The following ANO1 variants were observed in gnomAD, a reference collection of about 807,000 sequenced individuals.
ANO1 encodes anoctamin 1, also known as anoctamin-1.
ANO1 carries 59 observed loss-of-function variants against 124.0 expected under a neutral mutation model. The ratio of observed to expected loss-of-function variants is 0.48; its 90% CI spans 0.39 to 0.59. ANO1 has a LOEUF of 0.59. Ranked by LOEUF, ANO1 falls within the 20% of genes least tolerant of loss-of-function variation. The pLI, the probability that ANO1 is intolerant of heterozygous loss-of-function variation, is 0.00. For missense variants in ANO1, 1,059 were observed against 1,328.0 expected (o/e 0.80, Z 3.15); for synonymous variants, 529 against 532.0 (o/e 0.99, Z 0.08).
At chr11:70,072,114 G>A (rs1465080747) in intron 1 of ANO1, among the ~76,000 whole-genome samples, 4 of 152,158 alleles carry the variant, frequency 2.6e-5, no homozygotes, top group Admixed American at 6.5e-5. Flanking sequence ...TCAGGAGGAC[G>A]AGGTCTTCGG....
chr11:70,052,709 C>A lies in ANO1; in HGVS notation c.59-25833C>A, dbSNP rs553699099. On this transcript the variant is annotated intron_variant, in intron 1 of 27. Transcript: ENST00000531349. The stretch of plus-strand genomic sequence containing the variant: ...CTGGGATTATAGGCAGCTGCCACCA[C>A]ACCCAGCCAATTTTTTTGTATTTTT... 5.3e-5 allele frequency among the ~76,000 whole-genome samples: 8 copies of A among 151,824 alleles called. No homozygotes were observed. The East Asian group carries it at 1.5e-3, about 29-fold the overall frequency.
At chr11:70,162,309 AC>A (rs1475737467) in intron 18 of ANO1, among the ~76,000 whole-genome samples, 1 of 151,530 alleles carries the variant, frequency 6.6e-6, no homozygotes, top group Admixed American at 6.6e-5. Flanking sequence ...GGCAGTGAGG[AC>A]CCTGGGCAGA....
intron 1 of ANO1, among the ~76,000 whole-genome samples, chr11:70,084,435 C>T (rs1421178935): frequency 1.3e-5 from 2 of 152,168 alleles, no homozygotes; most frequent in Non-Finnish European, 2.9e-5. Flanking sequence ...TTAGATGGAG[C>T]GTCCATCCTG....
At chr11:70,064,996 G>A (rs1440051468) in intron 1 of ANO1, 1 of 152,356 alleles carries the variant, frequency 6.6e-6, no homozygotes, top group African/African-American at 2.4e-5. Flanking sequence ...GCCGTTCATA[G>A]TCTGGGACAA....
At chr11:70,128,141 A>G (rs1221441592) in intron 10 of ANO1, among the ~76,000 whole-genome samples, 1 of 152,230 alleles carries the variant, frequency 6.6e-6, no homozygotes, top group Non-Finnish European at 1.5e-5. Flanking sequence ...TGATACATGA[A>G]TAACACCTAA....
intron 2 of ANO1, among the ~76,000 whole-genome samples, chr11:70,088,965 C>G (rs574232387): frequency 9.9e-5 from 15 of 152,234 alleles, no homozygotes; most frequent in Non-Finnish European, 1.8e-4. Context: ...GTCGACCCCC[C>G]TCGAGTGCCT....
upstream of ANO1, among the ~76,000 whole-genome samples, chr11:70,073,927 C>T (rs568670652): frequency 4.7e-5 from 7 of 149,972 alleles, no homozygotes; most frequent in East Asian, 2.0e-4. Context: ...CATGGAGTCC[C>T]GCCGTCAAGC....
At chr11:70,029,425 G>A (rs1463470804) in intron 1 of ANO1, among the ~76,000 whole-genome samples, 1 of 152,226 alleles carries the variant, frequency 6.6e-6, no homozygotes, top group African/African-American at 2.4e-5. Context: ...TGTAGGGGGT[G>A]TTTCCTGGGG....
At chr11:69,978,201 C>A in the ANO1 span, among the ~76,000 whole-genome samples, 1 of 152,166 alleles carries the variant, frequency 6.6e-6, no homozygotes, top group African/African-American at 2.4e-5. Flanking sequence ...CATTTGGAGC[C>A]ACTCCGTGGG....
intron 2 of ANO1, among the ~76,000 whole-genome samples, chr11:70,095,371 AAAG>A (rs1491172963): frequency 3.1e-5 from 1 of 32,604 alleles, no homozygotes; most frequent in African/African-American, 8.7e-5. Flanking sequence ...AGAAAGAAAG[AAAG>A]AAAGAAAGAA....
chr11:70,186,105 G>A (rs1044931468), intron 25 of ANO1, among the ~76,000 whole-genome samples: 18 of 152,226 alleles, frequency 1.2e-4, no homozygotes, highest in Admixed American at 9.2e-4. Flanking sequence ...GGCCAACATG[G>A]TGAAACCCTG....
chr11:70,145,984 G>A (rs1172853344), intron 11 of ANO1, among the ~76,000 whole-genome samples: 1 of 150,384 alleles, frequency 6.6e-6, no homozygotes, highest in Non-Finnish European at 1.5e-5. Flanking sequence ...GAATACCAAG[G>A]TTCAATACCA....
At chr11:70,153,374 C>T (rs892779819) in intron 14 of ANO1, among the ~76,000 whole-genome samples, 1 of 152,210 alleles carries the variant, frequency 6.6e-6, no homozygotes, top group East Asian at 1.9e-4. Flanking sequence ...CCAGATTTGG[C>T]CAAAGGGCTA....
At chr11:70,155,856 C>T (rs767745200) in intron 14 of ANO1, 55 bp from the exon 15 acceptor site, 32 of 1,477,764 alleles carry the variant, frequency 2.2e-5, no homozygotes, top group African/African-American at 2.9e-5. Context: ...CCGCGGTCTG[C>T]GGTGCCGCCT....
At position 70,126,053 on chromosome 11, in the gene ANO1, T is replaced by A. The variant is rs1268020121; in HGVS notation, c.963-8T>A. The A allele has an allele frequency of 6.2e-7, 1 of 1,604,970 alleles. No individual in the cohort carries two copies. Among genetic ancestry groups the A allele is most frequent in the Non-Finnish European group, 8.5e-7 (1 of 1,175,130 alleles). On this transcript the variant is annotated splice_polypyrimidine_tract_variant and splice_region_variant and intron_variant, in intron 9 of 25. Coordinates refer to ENST00000355303, the MANE Select transcript of ANO1 (RefSeq NM_018043.7). ...TGGGCTTGACTCTGCTCTGCTCCCCTGGTGTAGGAAGTATTTTGGGGAGAA... is the reference window on the plus strand; with the variant it reads ...TGGGCTTGACTCTGCTCTGCTCCCCAGGTGTAGGAAGTATTTTGGGGAGAA...
intron 22 of ANO1, among the ~76,000 whole-genome samples, chr11:70,179,243 G>A (rs535847207): frequency 2.5e-4 from 38 of 152,222 alleles, no homozygotes; most frequent in Non-Finnish European, 4.1e-4. Flanking sequence ...CAGCCGAACC[G>A]CTGCACACAA....
intron 24 of ANO1, among the ~76,000 whole-genome samples, chr11:70,184,771 C>T (rs1229455172): frequency 1.3e-5 from 2 of 152,134 alleles, no homozygotes; most frequent in Admixed American, 6.6e-5. Context: ...TTTTTAGAGA[C>T]GGTCTCACTT....
At chr11:70,138,900 G>A (rs1184003695) in intron 11 of ANO1, among the ~76,000 whole-genome samples, 7 of 152,110 alleles carry the variant, frequency 4.6e-5, no homozygotes, top group African/African-American at 9.6e-5. Flanking sequence ...CACAGTACCC[G>A]ACAGATAGTT....
chr11:70,003,636 T>A (rs1554999666), intron 1 of ANO1, among the ~76,000 whole-genome samples: 1 of 151,606 alleles, frequency 6.6e-6, no homozygotes, highest in Non-Finnish European at 1.5e-5. Flanking sequence ...GATGGATGGA[T>A]GGATGGATGG....
Sources: gnomAD v4.1 joint callset for allele counts (sites outside exome capture counted in the v4.1 genomes callset) on GRCh38, gnomAD v4.1.1 for gene constraint, MANE v1.5 for transcripts, NCBI Gene and HGNC (gene_info 2026-07-23, HGNC 2026-07-21) for gene names.